ELF4: variants seen among roughly 807,000 people sequenced by gnomAD.
ELF4 encodes the protein ETS-related transcription factor Elf-4.
ELF4 carries 10 observed loss-of-function variants against 31.7 expected under a neutral mutation model. That is an observed-to-expected ratio of 0.32 (90% CI 0.19 to 0.54). The LOEUF (loss-of-function observed/expected upper bound fraction) is 0.54. Among genes scored for constraint, ELF4 ranks in the 20% least tolerant of loss-of-function variants. ELF4 has a pLI of 0.95. For synonymous variants in ELF4, 208 were observed against 226.7 expected, an observed-to-expected ratio of 0.92 and a Z score of 0.74; for missense variants, 418 against 522.0, an observed-to-expected ratio of 0.80 and a Z score of 1.94.
At chrX:130,070,019 C>T (rs1450084371) in intron 7 of ELF4, among the ~76,000 whole-genome samples, 1 of 112,088 alleles carries the variant, frequency 8.9e-6, no homozygotes, top group Admixed American at 9.4e-5. Flanking sequence ...GAACAGCAAT[C>T]CCCCAGCCTG....
intron 1 of ELF4, among the ~76,000 whole-genome samples, chrX:130,097,084 G>A (rs1230479206): frequency 9.5e-6 from 1 of 105,433 alleles, no homozygotes; most frequent in East Asian, 3.0e-4. Flanking sequence ...GTGGCTTGAG[G>A]CCAGGGGTTT....
Position 130,071,220 on chromosome X carries a change from T to C in ELF4, c.629A>G (p.Tyr210Cys). ...KSKDGKGSTI[Y>C]LWEFLLALLQ... is the part of the protein sequence containing the mutation. ...AAGAGCCAGGAGGAACTCCCACAGATAGATGGTGCTGCCTGCAGAGGGGCA... is the reference window on the plus strand; with the variant it reads ...AAGAGCCAGGAGGAACTCCCACAGACAGATGGTGCTGCCTGCAGAGGGGCA... The change falls in exon 7 of 9, where the codon TAT becomes TGT. Residue 210 changes from tyrosine (Y) to cysteine (C), a missense_variant. By Grantham distance (194) the Tyr-to-Cys change is radical (BLOSUM62 -2). This residue lies in a region of ELF4 where 88 missense variants were observed against 92.4 expected (regional missense o/e 0.95). Coordinates refer to ENST00000308167, the MANE Select transcript of ELF4 (RefSeq NM_001421.4). 1.3e-5 allele frequency: 16 copies of C among 1,211,128 alleles called. No individual in the cohort carries two copies. The highest frequency in any genetic ancestry group is 1.7e-5 in the Non-Finnish European group (15 of 895,414).
chrX:130,104,936 A>T (rs1465500688), intron 1 of ELF4, among the ~76,000 whole-genome samples: 1 of 110,903 alleles, frequency 9.0e-6, no homozygotes, highest in Non-Finnish European at 1.9e-5. Context: ...AGACAGGTGG[A>T]TCACCTGAGG....
At chrX:130,071,467 C>T (rs759506295) in intron 5 of ELF4, 48 bp from the exon 6 acceptor site, 18 of 1,165,867 alleles carry the variant, frequency 1.5e-5, no homozygotes, top group African/African-American at 3.5e-5. Flanking sequence ...CAAGAGAGGG[C>T]CCGGGAGCTG....
chrX:130,110,122 C>T (rs1933451353), intron 1 of ELF4, among the ~76,000 whole-genome samples: 1 of 111,745 alleles, frequency 8.9e-6, no homozygotes, highest in African/African-American at 3.2e-5. Flanking sequence ...GAATCCATTC[C>T]ACTTCCATCC....
chrX:130,090,873 C>T (rs1933045155), intron 1 of ELF4, among the ~76,000 whole-genome samples: 1 of 111,957 alleles, frequency 8.9e-6, no homozygotes, highest in Non-Finnish European at 1.9e-5. Context: ...AGTGCAGTGG[C>T]ACAATCATGG....
At chrX:130,072,106 T>C in intron 5 of ELF4, 120 bp downstream of exon 5, 6 of 899,706 alleles carry the variant, frequency 6.7e-6, no homozygotes, top group Middle Eastern at 4.0e-4. Context: ...GGGAGGCCTT[T>C]TGGTCCATCT....
chrX:130,072,843 C>T (rs1932800384), intron 4 of ELF4, among the ~76,000 whole-genome samples: 1 of 111,555 alleles, frequency 9.0e-6, no homozygotes, highest in African/African-American at 3.3e-5. Flanking sequence ...AGTTGGTGCC[C>T]GGTACAAATA....
chrX:130,065,252 G>A lies in ELF4; in HGVS notation c.*1469C>T, dbSNP rs1224482182. ...TTAGCCTTGCCCTCAAACTTGGCAG[G>A]AGGGAGGCAAGCTCGTTTAAAGAAG... On this transcript the variant is annotated 3_prime_UTR_variant, in exon 9 of 9. Coordinates refer to ENST00000308167, the MANE Select transcript of ELF4 (RefSeq NM_001421.4). The A allele has an allele frequency of 2.3e-5, 4 of 174,151 alleles. No individual in the cohort carries two copies. The highest frequency in any genetic ancestry group is 4.4e-5 in the Non-Finnish European group (4 of 91,317). 14.4% of individuals were successfully genotyped at this position (174,151 alleles called of 1,213,427 possible). A position where few individuals can be genotyped will look rare whatever the true frequency, so the allele number is the denominator to read the frequency against.
rs750203473 is a variant in ELF4, at chrX:130,102,948, AAGGAAGGGAGGG to A, written c.-210+7365_-210+7376del. On this transcript the variant is annotated intron_variant, in intron 1 of 8. Coordinates refer to ENST00000308167, the MANE Select transcript of ELF4 (RefSeq NM_001421.4). ...AGAGAGAAGGAGGGAGGGAGGAAGG[AAGGAAGGGAGGG>A]AGGAAGGAAGGAAGGAAGGAAGGAA... Among the ~76,000 whole-genome samples the A allele has an allele frequency of 4.3e-3, 218 of 50,361 alleles. 2 individuals carry two copies. The highest frequency in any genetic ancestry group is 0.024 in the South Asian group (21 of 868). The allele number at this position is 50,361 out of a possible 115,157, so 43.7% of individuals were successfully genotyped here.
chrX:130,091,376 G>A (rs1038503619), intron 1 of ELF4, among the ~76,000 whole-genome samples: 5 of 111,698 alleles, frequency 4.5e-5, no homozygotes, highest in Non-Finnish European at 9.4e-5. Flanking sequence ...GCAGTGAGCC[G>A]ACATCGTGCC....
At chrX:130,107,601 T>C (rs1384756913) in intron 1 of ELF4, among the ~76,000 whole-genome samples, 1 of 112,380 alleles carries the variant, frequency 8.9e-6, no homozygotes, top group Non-Finnish European at 1.9e-5. Flanking sequence ...GGTGTCTTCC[T>C]CACATCCATG....
chrX:130,074,973 A>AT lies in ELF4; in HGVS notation c.76-222dup, dbSNP rs34626511. 8.9e-3 allele frequency among the ~76,000 whole-genome samples: 910 copies of AT among 102,270 alleles called. 2 individuals are homozygous for AT. Among genetic ancestry groups the AT allele is most frequent in the African/African-American group, 0.017 (489 of 28,257 alleles). 88.8% of individuals were successfully genotyped at this position (102,270 alleles called of 115,157 possible). ...GCTCTGCACCACCAGCCCTTTAAGCATTTTTTTTTTTTTGAGATAGAGCCT... is the reference window on the plus strand; with the variant it reads ...GCTCTGCACCACCAGCCCTTTAAGCATTTTTTTTTTTTTTGAGATAGAGCCT... On this transcript the variant is annotated intron_variant, in intron 2 of 8. Transcript: ENST00000308167.
intron 1 of ELF4, among the ~76,000 whole-genome samples, chrX:130,093,650 C>T (rs1603207998): frequency 8.9e-6 from 1 of 112,301 alleles, no homozygotes; most frequent in Middle Eastern, 4.6e-3. Flanking sequence ...GCCCAGTTGC[C>T]AGTCCTCCTG....
At chrX:130,111,004 C>A (rs867930654), upstream of ELF4, among the ~76,000 whole-genome samples, 3 of 6,615 alleles carry the variant, frequency 4.5e-4, no homozygotes, top group East Asian at 0.016. Flanking sequence ...TGCGGGCGGG[C>A]GGGGTGGGGG....
intron 1 of ELF4, among the ~76,000 whole-genome samples, chrX:130,085,741 C>T (rs1230017048): frequency 8.9e-6 from 1 of 111,742 alleles, no homozygotes; most frequent in Admixed American, 9.5e-5. Flanking sequence ...TGAAATACCT[C>T]ATCCTCCATG....
intron 1 of ELF4, among the ~76,000 whole-genome samples, chrX:130,098,351 T>A (rs1969946490): frequency 8.9e-6 from 1 of 112,109 alleles, no homozygotes; most frequent in African/African-American, 3.2e-5. Flanking sequence ...CCTCCTCGGC[T>A]CTTCTGTACT....
chrX:130,096,430 C>A lies in ELF4; in HGVS notation c.-210+13895G>T, dbSNP rs905579160. ...AATTCCTAGCCTCAAGTGATCCGCC[C>A]ACCTCAGCTTCCCAAAGTGCTGAGG... is the stretch of plus-strand genomic sequence containing the variant. On this transcript the variant is annotated intron_variant, in intron 1 of 8. Transcript: ENST00000308167. 3.6e-5 allele frequency among the ~76,000 whole-genome samples: 4 copies of A among 111,002 alleles called. No homozygotes were observed. In the Admixed American group the frequency reaches 3.9e-4, roughly 11 times the overall value.
chrX:130,071,484 T>C, intron 5 of ELF4, 65 bp from the exon 6 acceptor site: 1 of 1,104,884 alleles, frequency 9.1e-7, no homozygotes, highest in Non-Finnish European at 1.2e-6. Context: ...GCTGGCCAAG[T>C]TGGCTGTGAC....
Sources: allele counts gnomAD v4.1 joint callset (sites outside exome capture counted in the v4.1 genomes callset), GRCh38; gene constraint gnomAD v4.1.1; regional missense constraint gnomAD v4.1.1; transcripts MANE v1.5; gene names NCBI Gene and HGNC (gene_info 2026-07-23, HGNC 2026-07-21).